The following HDAC10 variants were observed in gnomAD, a reference collection of about 807,000 sequenced individuals.
HDAC10 encodes the protein histone deacetylase 10.
Under a neutral mutation model 82.3 loss-of-function variants are expected in HDAC10, and 90 were observed. The ratio of observed to expected loss-of-function variants is 1.09; its 90% CI spans 0.92 to 1.30. The LOEUF (loss-of-function observed/expected upper bound fraction) is 1.30. Ranked by LOEUF, HDAC10 falls within the 50% of genes most tolerant of loss-of-function variation. The pLI is 0.00. For synonymous variants in HDAC10, 456 were observed against 391.7 expected, an observed-to-expected ratio of 1.16 and a Z score of -1.94; for missense variants, 934 against 876.3, an observed-to-expected ratio of 1.07 and a Z score of -0.83.
In HDAC10 at chr22:50,250,086, C is replaced by A; in HGVS notation, c.366G>T (p.Val122=). 1 of 1,612,774 alleles carries A rather than the reference C, an allele frequency of 6.2e-7. No individual in the cohort carries two copies. Among genetic ancestry groups the A allele is most frequent in the Non-Finnish European group, 8.5e-7 (1 of 1,179,938 alleles). ...ACCTCACCAGGGCAAGCCCATTTTG[C>A]ACAGCTCCAGTGAGCACAGCGTCCA... ...QLVDAVLTGA[V]QNGLALVRPP... The change falls in exon 4 of 20, where the codon GTG becomes GTT. Residue 122 remains valine (V), a synonymous_variant. Transcript: ENST00000216271.
Position 50,245,780 on chromosome 22 carries a change from T to C in HDAC10, c.1881A>G (p.Gly627=). The change falls in exon 19 of 20, where the codon GGA becomes GGG. Residue 627 remains glycine, a synonymous_variant. Transcript: ENST00000216271. ...AAGGGCCTAGGCTAGGAGGTGCCTC[T>C]CCATTCAGCACCCGGGCCAGGATCC... ...LAGILARVLN[G]EAPPSLGPSS... The C allele has an allele frequency of 6.2e-7, 1 of 1,601,588 alleles. No homozygotes were observed. The highest frequency in any genetic ancestry group is 8.5e-7 in the Non-Finnish European group (1 of 1,174,514).
rs147686171 is a variant in HDAC10 at position 50,250,647 on chromosome 22, C to T, written c.194+124G>A. The T allele has an allele frequency of 3.8e-3, 5,062 of 1,330,646 alleles. 12 individuals carry two copies. Among genetic ancestry groups the T allele is most frequent in the Non-Finnish European group, 4.7e-3 (4,527 of 961,616 alleles). 82.4% of individuals were successfully genotyped at this position (1,330,646 alleles called of 1,614,324 possible). On this transcript the variant is annotated intron_variant, in intron 2 of 19. Transcript: ENST00000216271. ...TCACTTCCTCAAGCCTGTGAGCCCACCCGAGGTGCATAGGGAGAGGCTCTG... is the reference window on the plus strand; with the variant it reads ...TCACTTCCTCAAGCCTGTGAGCCCATCCGAGGTGCATAGGGAGAGGCTCTG...
In HDAC10 at chr22:50,245,230, C is replaced by G; in HGVS notation, c.*277G>C. ...AACGGCGCAAGGGCGGGGAGCGAAG[C>G]GCAGCGGGGCGCAGGGGCCGGAACG... On this transcript the variant is annotated 3_prime_UTR_variant, in exon 20 of 20. Coordinates refer to ENST00000216271, the MANE Select transcript of HDAC10 (RefSeq NM_032019.6). 1.8e-6 allele frequency: 1 copy of G among 571,354 alleles called. No homozygotes were observed. Among genetic ancestry groups the G allele is most frequent in the Middle Eastern group, 4.7e-4 (1 of 2,142 alleles). 35.4% of individuals were successfully genotyped at this position (571,354 alleles called of 1,614,324 possible).
At position 50,245,337 on chromosome 22, in the gene HDAC10, T is replaced by C; in HGVS notation, c.*170A>G. 5.9e-6 allele frequency: 3 copies of C among 504,822 alleles called. No homozygotes were observed. The highest frequency in any genetic ancestry group is 1.0e-5 in the Non-Finnish European group (3 of 292,050). The allele number at this position is 504,822 out of a possible 1,614,324, so 31.3% of individuals were successfully genotyped here. ...GGCGGGGGCGAGGTGAGGTGAGGGG[T>C]GGAGCGGGGGAAGCACGGGTGGGAG... On this transcript the variant is annotated 3_prime_UTR_variant, in exon 20 of 20. Coordinates refer to ENST00000216271, the MANE Select transcript of HDAC10 (RefSeq NM_032019.6).
rs771817625 is a variant in HDAC10, at chr22:50,248,266, C to T, written c.1040G>A (p.Arg347His). ...CTTCCAGTGCGGGGCCTGGGCAGCA[C>T]GGGCACTCTGGATGGACTCTAGGGC... ...QSALESIQSARAAQAPHWKSL... is the reference protein window; with the variant it reads ...QSALESIQSAHAAQAPHWKSL... Residue 347 changes from arginine (R) to histidine (H), a missense_variant, in exon 12 of 20, where the codon CGT becomes CAT. By Grantham distance (29) the Arg-to-His change is conservative. Coordinates refer to ENST00000216271, the MANE Select transcript of HDAC10 (RefSeq NM_032019.6). This position sits in a 1 kb window ranked among gnomAD's most constrained non-coding sequence, Gnocchi z 5.4. 1.1e-5 allele frequency: 18 copies of T among 1,612,360 alleles called. No individual in the cohort carries two copies. Among genetic ancestry groups the T allele is most frequent in the East Asian group, 4.5e-5 (2 of 44,900 alleles).
Position 50,247,914 on chromosome 22 carries a change from C to G in HDAC10, c.1313G>C (p.Arg438Thr). The change falls in exon 13 of 20, where the codon AGG becomes ACG. Residue 438 changes from arginine to threonine, a missense_variant. Physicochemically the swap from Arg to Thr is moderately conservative, Grantham distance 71. Transcript: ENST00000216271. ...CCTGGCCCAGGCTTCTGTCTCCTCC[C>G]TCAGGGCTGACGCTTCCTGTTGGAT... The part of the protein sequence containing the change: ...DVIQQEASAL[R>T]EETEAWARPH... 9 of 1,612,816 alleles carry G rather than the reference C, an allele frequency of 5.6e-6. No individual in the cohort carries two copies. Among genetic ancestry groups the G allele is most frequent in the Non-Finnish European group, 7.6e-6 (9 of 1,179,970 alleles).
chr22:50,245,588 G>C, intron 19 of HDAC10, 58 bp from the exon 20 acceptor site: 1 of 1,555,446 alleles, frequency 6.4e-7, no homozygotes, highest in South Asian at 1.1e-5. Flanking sequence ...AGCTGGTTCA[G>C]GGCACTCCCC....
intron 14 of HDAC10, chr22:50,247,259 C>A: frequency 2.8e-6 from 1 of 352,406 alleles, no homozygotes; most frequent in Non-Finnish European, 5.2e-6. Context: ...CTGCCTCAGC[C>A]TCCTAAGTAA....
Position 50,249,655 on chromosome 22 carries a change from A to C in HDAC10, c.543T>G (p.Tyr181Ter), listed in dbSNP as rs764120638. The change falls in exon 6 of 20, where the codon TAT (tyrosine) becomes TAG (stop). Residue 181 changes from tyrosine to a stop codon, truncating the protein, a stop_gained. Coordinates refer to ENST00000216271, the MANE Select transcript of HDAC10 (RefSeq NM_032019.6). LOFTEE classifies it high-confidence loss of function. The surrounding 1 kb of genome is among the most constrained non-coding windows in gnomAD (Gnocchi z 4.4). ...WDVHHGQGIQYLFEDDPSVLY... is the reference protein window; with the variant it reads ...WDVHHGQGIQ ...CTCACCTGGGGTCATCCTCAAAGAG[A>C]TACTGGATCCCCTGGCCATGGTGCA... The C allele has an allele frequency of 1.9e-6, 3 of 1,612,852 alleles. No homozygotes were observed. Among genetic ancestry groups the C allele is most frequent in the South Asian group, 2.2e-5 (2 of 91,078 alleles).
chr22:50,250,737 C>T lies in HDAC10; in HGVS notation c.194+34G>A, dbSNP rs750366413. The stretch of plus-strand genomic sequence containing the variant: ...AGGTTTCTAGCTGGGCTGCCCGCCC[C>T]GCCCCCCATCGTGGGGCCTGCCCCC... On this transcript the variant is annotated intron_variant, in intron 2 of 19. Transcript: ENST00000216271. 118 of 1,531,144 alleles carry T rather than the reference C, an allele frequency of 7.7e-5. 1 individual carries two copies. In the South Asian group the frequency reaches 1.4e-3, roughly 18 times the overall value. The allele number at this position is 1,531,144 out of a possible 1,614,324, so 94.8% of individuals were successfully genotyped here.
intron 3 of HDAC10, 87 bp downstream of exon 3, chr22:50,250,340 C>G (rs2065057008): frequency 7.4e-7 from 1 of 1,346,226 alleles, no homozygotes. Context: ...CCAGGGGACA[C>G]TGGCTGGGGT....
At chr22:50,250,661 G>A (rs1421699653) in intron 2 of HDAC10, 110 bp downstream of exon 2, 10 of 1,347,844 alleles carry the variant, frequency 7.4e-6, no homozygotes, top group African/African-American at 7.2e-5. Context: ...AGGTGCATAG[G>A]GAGAGGCTCT....
Position 50,245,477 on chromosome 22 carries a change from G to C in HDAC10, c.*30C>G, listed in dbSNP as rs1283250274. 6.4e-6 allele frequency: 5 copies of C among 787,162 alleles called. No individual in the cohort carries two copies. Among genetic ancestry groups the C allele is most frequent in the Non-Finnish European group, 1.2e-5 (5 of 433,394 alleles). 48.8% of individuals were successfully genotyped at this position (787,162 alleles called of 1,614,324 possible). ...GGCGCTGGCGTGCGGTGTCATTTCT[G>C]CGGTGTAAATGCTCCCACCTTGGCC... On this transcript the variant is annotated 3_prime_UTR_variant, in exon 20 of 20. Transcript: ENST00000216271.
Position 50,248,803 on chromosome 22 carries a change from G to A in HDAC10, c.816+28C>T, listed in dbSNP as rs1410749286. The A allele has an allele frequency of 6.2e-7, 1 of 1,606,226 alleles. No individual in the cohort carries two copies. The highest frequency in any genetic ancestry group is 1.3e-5 in the African/African-American group (1 of 74,810). ...GGACCTGGGCCCCAGGACCCCAGAA[G>A]CCCTCCCTGGCAAGGCAAGGCCCTC... is the stretch of plus-strand genomic sequence containing the variant. On this transcript the variant is annotated intron_variant, in intron 9 of 19. Coordinates refer to ENST00000216271, the MANE Select transcript of HDAC10 (RefSeq NM_032019.6). This position sits in a 1 kb window ranked among gnomAD's most constrained non-coding sequence, Gnocchi z 5.4.
Position 50,248,001 on chromosome 22 carries a change from G to A in HDAC10, c.1226C>T (p.Ser409Phe). ...LDQPCLCPAP[S>F]VRTAVALTTP... ...TGTCAGGGCAACAGCGGTGCGGACA[G>A]AGGGTGCGGGGCAGAGGCACGGCTG... is the stretch of plus-strand genomic sequence containing the variant. Residue 409 changes from serine to phenylalanine, a missense_variant, in exon 13 of 20, where the codon TCT becomes TTT. Coordinates refer to ENST00000216271, the MANE Select transcript of HDAC10 (RefSeq NM_032019.6). This position sits in a 1 kb window ranked among gnomAD's most constrained non-coding sequence, Gnocchi z 5.4. 6.2e-7 allele frequency: 1 copy of A among 1,612,852 alleles called. No individual in the cohort carries two copies. The highest frequency in any genetic ancestry group is 8.5e-7 in the Non-Finnish European group (1 of 1,179,968).
Position 50,248,617 on chromosome 22 carries a change from A to G in HDAC10, c.906+45T>C. On this transcript the variant is annotated intron_variant, in intron 10 of 19. Transcript: ENST00000216271. The surrounding 1 kb of genome is among the most constrained non-coding windows in gnomAD (Gnocchi z 5.4). ...CCTGGCTCCCATGCTCCTGACCCCC[A>G]GGCCTCTGGCCCAGAGACCCTCCCT... 6.8e-7 allele frequency: 1 copy of G among 1,474,586 alleles called. No homozygotes were observed. Among genetic ancestry groups the G allele is most frequent in the Non-Finnish European group, 9.0e-7 (1 of 1,108,182 alleles). 91.3% of individuals were successfully genotyped at this position (1,474,586 alleles called of 1,614,324 possible). A position where few individuals can be genotyped will look rare whatever the true frequency, so the allele number is the denominator to read the frequency against.
In HDAC10 at chr22:50,248,670, C is replaced by T. The variant is rs200544896; in HGVS notation, c.898G>A (p.Val300Met). 148 of 1,511,088 alleles carry T rather than the reference C, an allele frequency of 9.8e-5. No homozygotes were observed. The African/African-American group carries it at 1.9e-3, about 19-fold the overall frequency. 93.6% of individuals were successfully genotyped at this position (1,511,088 alleles called of 1,614,324 possible). A position where few individuals can be genotyped will look rare whatever the true frequency, so the allele number is the denominator to read the frequency against. The change falls in exon 10 of 20, where the codon GTG becomes ATG. Residue 300 changes from valine (V) to methionine (M), a missense_variant. Val to Met is a conservative substitution (Grantham distance 21). Transcript: ENST00000216271. This position sits in a 1 kb window ranked among gnomAD's most constrained non-coding sequence, Gnocchi z 5.4. The stretch of plus-strand genomic sequence containing the variant: ...GTGCCCTCCCCAGTCACCTCCAGCA[C>T]GGCACAGACCCGGCCGCCGGCCAGC... Reference protein sequence around the residue: ...QVLAGGRVCAVLEGGYHLESL... With the variant: ...QVLAGGRVCAMLEGGYHLESL...
chr22:50,246,301 T>A lies in HDAC10; in HGVS notation c.1647A>T (p.Pro549=). The change falls in exon 17 of 20, where the codon CCA becomes CCT. Residue 549 remains proline (P), a synonymous_variant. Coordinates refer to ENST00000216271, the MANE Select transcript of HDAC10 (RefSeq NM_032019.6). ...GCCGCGTGGCATGGTCACTCACCAC[T>A]GGCAGTGGCGTGGAGACATGGAACA... ...LSMFHVSTPL[P]VMTGGFLSCI... is the part of the protein sequence containing the mutation. The A allele has an allele frequency of 6.2e-7, 1 of 1,612,338 alleles. No individual in the cohort carries two copies.
Position 50,250,811 on chromosome 22 carries a change from C to A in HDAC10, c.154G>T (p.Ala52Ser). ...GLEQRCLRLS[A>S]REASEEELGL... Reference sequence around the variant, plus strand: ...AGCTCCTCTTCCGAGGCCTCGCGGGCTGACAACCGCAGACACCTCTGTTCC... The same window carrying A: ...AGCTCCTCTTCCGAGGCCTCGCGGGATGACAACCGCAGACACCTCTGTTCC... Residue 52 changes from alanine to serine, a missense_variant, in exon 2 of 20, where the codon GCC (alanine) becomes TCC (serine). Coordinates refer to ENST00000216271, the MANE Select transcript of HDAC10 (RefSeq NM_032019.6). 2.5e-6 allele frequency: 4 copies of A among 1,603,896 alleles called. No individual in the cohort carries two copies. Among genetic ancestry groups the A allele is most frequent in the Non-Finnish European group, 3.4e-6 (4 of 1,176,594 alleles).
Sources: gnomAD v4.1 joint callset for allele counts on GRCh38, gnomAD v4.1.1 for gene constraint, Gnocchi (gnomAD v3.1) non-coding constraint, MANE v1.5 for transcripts, NCBI Gene and HGNC (gene_info 2026-07-23, HGNC 2026-07-21) for gene names.